MAGI2: variants seen among roughly 807,000 people sequenced by gnomAD.
The protein encoded by MAGI2 is membrane associated guanylate kinase, WW and PDZ domain containing 2.
MAGI2 carries 35 observed loss-of-function variants against 133.3 expected under a neutral mutation model. The ratio of observed to expected loss-of-function variants is 0.26; its 90% CI spans 0.20 to 0.35. The LOEUF is 0.35. Ranked by LOEUF, MAGI2 falls within the 10% of genes least tolerant of loss-of-function variation. The pLI is 1.00. For synonymous variants in MAGI2, 729 were observed against 710.6 expected (o/e 1.03, Z -0.41); for missense variants, 1,636 against 1,863.4 (o/e 0.88, Z 2.25).
At chr7:78,242,580 T>C (rs1791273886) in intron 10 of MAGI2, among the ~76,000 whole-genome samples, 2 of 152,200 alleles carry the variant, frequency 1.3e-5, no homozygotes, top group South Asian at 2.1e-4. Context: ...ATATAATAAT[T>C]GAATGTGGAA....
chr7:78,898,753 AT>A (rs35441702), intron 2 of MAGI2, among the ~76,000 whole-genome samples: 5,076 of 152,214 alleles, frequency 0.033, 249 homozygotes, highest in East Asian at 0.22. Flanking sequence ...CACTCCTGTG[AT>A]TGTAAGTTTA....
intron 1 of MAGI2, among the ~76,000 whole-genome samples, chr7:79,382,572 G>A (rs1474319444): frequency 1.3e-5 from 2 of 151,474 alleles, no homozygotes; most frequent in Non-Finnish European, 3.0e-5. Context: ...CTGTGCCTCA[G>A]CTTCCCATTT....
chr7:79,314,633 C>T (rs766112905), intron 1 of MAGI2, among the ~76,000 whole-genome samples: 17 of 152,254 alleles, frequency 1.1e-4, no homozygotes, highest in Middle Eastern at 6.8e-3. Flanking sequence ...TCCTGAGGAT[C>T]AATTTTTCTC....
At chr7:78,510,341 C>T (rs554700695) in intron 4 of MAGI2, among the ~76,000 whole-genome samples, 2 of 152,170 alleles carry the variant, frequency 1.3e-5, no homozygotes, top group South Asian at 2.1e-4. Context: ...AAGTTACCTA[C>T]CTATAAGGAT....
intron 21 of MAGI2, among the ~76,000 whole-genome samples, chr7:78,047,393 G>A (rs1811543723): frequency 6.6e-6 from 1 of 152,168 alleles, no homozygotes; most frequent in Non-Finnish European, 1.5e-5. Context: ...ATTCCACATG[G>A]TAGCCTGTTG....
At chr7:78,176,908 G>GACTC (rs781171770) in intron 14 of MAGI2, among the ~76,000 whole-genome samples, 1,366 of 130,474 alleles carry the variant, frequency 0.01, 24 homozygotes, top group African/African-American at 0.032. Flanking sequence ...ACCATATATA[G>GACTC]ACACACACAC....
intron 2 of MAGI2, among the ~76,000 whole-genome samples, chr7:78,815,693 T>C (rs1789509450): frequency 6.6e-6 from 1 of 152,216 alleles, no homozygotes. Context: ...TGAGTTTTGA[T>C]GTTACTATTG....
Position 78,135,407 on chromosome 7 carries a change from G to T in MAGI2, c.2846-201C>A, listed in dbSNP as rs541627961. ...AGTTTCTAAATTCAAGTCCTTTGCA[G>T]TGATAGGCCAATTCCAAACACAGAC... On this transcript the variant is annotated intron_variant, in intron 16 of 21. Transcript: ENST00000354212. Among the ~76,000 whole-genome samples, 3 of 152,310 alleles carry T rather than the reference G, an allele frequency of 2.0e-5. No individual in the cohort carries two copies. In the South Asian group the frequency reaches 6.2e-4, roughly 32 times the overall value.
rs373159394 is a variant in MAGI2, at chr7:78,817,450, TGAAA to T, written c.418+189636_418+189639del. On this transcript the variant is annotated intron_variant, in intron 2 of 21. Coordinates refer to ENST00000354212, the MANE Select transcript of MAGI2 (RefSeq NM_012301.4). ...TCACATGCTAGAGAGAAATCTGTTG[TGAAA>T]GAAAGAGTTAATCCATGTGGCAAAC... Among the ~76,000 whole-genome samples, 211 of 152,286 alleles carry T rather than the reference TGAAA, an allele frequency of 1.4e-3. 2 individuals carry two copies. The East Asian group carries it at 0.018, about 13-fold the overall frequency.
intron 1 of MAGI2, among the ~76,000 whole-genome samples, chr7:79,130,441 C>T (rs777646038): frequency 2.6e-5 from 4 of 152,164 alleles, no homozygotes; most frequent in African/African-American, 4.8e-5. Context: ...TTTTCTTTTG[C>T]AGGTGCAATG....
chr7:78,487,171 G>C (rs62467102), intron 6 of MAGI2: 3 of 140,858 alleles, frequency 2.1e-5, no homozygotes, highest in Non-Finnish European at 4.2e-5. Context: ...GCAGCAGGAT[G>C]GGGAAAAAAA....
intron 1 of MAGI2, among the ~76,000 whole-genome samples, chr7:79,355,969 T>G (rs1841993269): frequency 6.6e-6 from 1 of 152,180 alleles, no homozygotes; most frequent in Non-Finnish European, 1.5e-5. Context: ...TATTAACATG[T>G]CATTTTAAAA....
In MAGI2 at chr7:78,775,320, T is replaced by TAAAAAAAAAAAAAAA. The variant is rs3086258; in HGVS notation, c.419-148096_419-148082dup. Among the ~76,000 whole-genome samples, 34 of 57,378 alleles carry TAAAAAAAAAAAAAAA rather than the reference T, an allele frequency of 5.9e-4. 1 individual carries two copies. The highest frequency in any genetic ancestry group is 8.1e-4 in the Admixed American group (3 of 3,716). 37.6% of individuals were successfully genotyped at this position (57,378 alleles called of 152,430 possible). A position where few individuals can be genotyped will look rare whatever the true frequency, so the allele number is the denominator to read the frequency against. On this transcript the variant is annotated intron_variant, in intron 2 of 21. Transcript: ENST00000354212. Reference sequence around the variant, plus strand: ...AGAGCGAGACTCTGTCGTCTCAAATTAAAAAAAAAAAAAAAAAAAAAAAAA... The same window carrying TAAAAAAAAAAAAAAA: ...AGAGCGAGACTCTGTCGTCTCAAATTAAAAAAAAAAAAAAAAAAAAAAAAAAAAAAAAAAAAAAAA...
intron 1 of MAGI2, among the ~76,000 whole-genome samples, chr7:79,266,852 G>A (rs1351185629): frequency 6.6e-6 from 1 of 152,114 alleles, no homozygotes; most frequent in Non-Finnish European, 1.5e-5. Context: ...CAATGCTTTG[G>A]TTCCCTAAAG....
chr7:79,405,447 CA>C (rs1431120298), intron 1 of MAGI2, among the ~76,000 whole-genome samples: 6 of 152,098 alleles, frequency 3.9e-5, no homozygotes, highest in African/African-American at 1.4e-4. Flanking sequence ...GGCCAAATTC[CA>C]TAGTGTATAA....
chr7:78,867,683 A>C (rs928565218), intron 2 of MAGI2, among the ~76,000 whole-genome samples: 13 of 151,590 alleles, frequency 8.6e-5, no homozygotes, highest in African/African-American at 3.1e-4. Context: ...TAAAACTTAA[A>C]GTATAATAAT....
chr7:79,028,231 G>GTATATA (rs1294855612), intron 1 of MAGI2, among the ~76,000 whole-genome samples: 2 of 30,882 alleles, frequency 6.5e-5, no homozygotes, highest in Non-Finnish European at 6.6e-5. Context: ...ATATATATAT[G>GTATATA]TATGTATATA....
chr7:79,062,251 C>T (rs1418213954), intron 1 of MAGI2, among the ~76,000 whole-genome samples: 1 of 152,110 alleles, frequency 6.6e-6, no homozygotes, highest in African/African-American at 2.4e-5. Flanking sequence ...CCCAAGTCCA[C>T]AATTGCTTAC....
intron 14 of MAGI2, among the ~76,000 whole-genome samples, chr7:78,176,908 GACACACACACACAC>G (rs200781303): frequency 1.8e-4 from 23 of 130,482 alleles, no homozygotes; most frequent in East Asian, 1.3e-3. Context: ...ACCATATATA[GACACACACACACAC>G]ACACACACAC....
Sources: gnomAD v4.1 joint callset for allele counts (sites outside exome capture counted in the v4.1 genomes callset) on GRCh38, gnomAD v4.1.1 for gene constraint, MANE v1.5 for transcripts, NCBI Gene and HGNC (gene_info 2026-07-23, HGNC 2026-07-21) for gene names.